Variants in STXBP4 observed in about 807,000 individuals in gnomAD.
STXBP4 encodes syntaxin-binding protein 4.
A neutral mutation model predicts 76.1 loss-of-function variants in STXBP4; 55 were observed. The observed-to-expected ratio is 0.72, with a 90% CI of 0.58 to 0.91. The LOEUF (loss-of-function observed/expected upper bound fraction) is 0.91, where lower values mean the gene tolerates loss of function less well. Ranked by LOEUF, STXBP4 falls within the 40% of genes least tolerant of loss-of-function variation. STXBP4 has a pLI of 0.00. For missense variants in STXBP4, 618 were observed against 636.9 expected (o/e 0.97, Z 0.32); for synonymous variants, 201 against 220.2 (o/e 0.91, Z 0.77).
Position 54,978,175 on chromosome 17 carries a change from A to T in STXBP4, c.-156-7439A>T, listed in dbSNP as rs529340033. ...TAATAAGCCTGCCATAAAATTTTTG[A>T]TTTGTAGAGCCAAGAAAGAACCTTT... On this transcript the variant is annotated intron_variant, in intron 1 of 17. Transcript: ENST00000376352. Among the ~76,000 whole-genome samples, 185 of 152,298 alleles carry T rather than the reference A, an allele frequency of 1.2e-3. 2 individuals are homozygous for T. The Middle Eastern group carries it at 0.027, about 23-fold the overall frequency.
the STXBP4 span, among the ~76,000 whole-genome samples, chr17:55,182,922 C>G: frequency 2.6e-5 from 4 of 151,412 alleles, no homozygotes; most frequent in Non-Finnish European, 5.9e-5. Flanking sequence ...TGAAGAGACC[C>G]ATGTTAAAGG....
chr17:55,185,305 CCTTCTCCTT>C, the STXBP4 span, among the ~76,000 whole-genome samples: 1 of 112,814 alleles, frequency 8.9e-6, no homozygotes. Context: ...TTCTCCTTCT[CCTTCTCCTT>C]CTCCTTCTCC....
At chr17:55,122,430 A>C (rs1202821115) in intron 16 of STXBP4, among the ~76,000 whole-genome samples, 2 of 152,258 alleles carry the variant, frequency 1.3e-5, no homozygotes, top group African/African-American at 4.8e-5. Flanking sequence ...GAAGCTCACA[A>C]GGCAGATGAA....
At chr17:55,073,255 C>A (rs879289474) in intron 13 of STXBP4, among the ~76,000 whole-genome samples, 179 bp downstream of exon 13, 4 of 152,146 alleles carry the variant, frequency 2.6e-5, no homozygotes, top group Non-Finnish European at 5.9e-5. Context: ...CTTCCTTTAT[C>A]CAGATGGCTT....
chr17:55,114,412 T>A (rs934706420), intron 16 of STXBP4, among the ~76,000 whole-genome samples: 1 of 152,034 alleles, frequency 6.6e-6, no homozygotes, highest in African/African-American at 2.4e-5. Flanking sequence ...AAGCATGTGA[T>A]TGGCTGTATC....
At chr17:55,204,896 A>AC in the STXBP4 span, among the ~76,000 whole-genome samples, 1 of 151,978 alleles carries the variant, frequency 6.6e-6, no homozygotes, top group Non-Finnish European at 1.5e-5. Context: ...ATACACATAT[A>AC]CATCTATATT....
intron 16 of STXBP4, among the ~76,000 whole-genome samples, chr17:55,137,914 C>G (rs536055929): frequency 2.1e-4 from 32 of 152,198 alleles, no homozygotes; most frequent in African/African-American, 7.7e-4. Flanking sequence ...TTAATGTTTG[C>G]TAATCTGATA....
rs568547293 is a variant in STXBP4, at chr17:55,015,019, G to T, written c.666+7422G>T. ...AATAGGGTTTCTAAGTTTTGCTCTG[G>T]GCGTAAGGCAGACTTTGAAGTTTTT... On this transcript the variant is annotated intron_variant, in intron 8 of 17. Transcript: ENST00000376352. Among the ~76,000 whole-genome samples, 33 of 152,188 alleles carry T rather than the reference G, an allele frequency of 2.2e-4. No individual in the cohort carries two copies. The East Asian group carries it at 2.7e-3, about 12-fold the overall frequency.
chr17:55,062,412 C>G (rs960825070), intron 12 of STXBP4, among the ~76,000 whole-genome samples: 1 of 152,176 alleles, frequency 6.6e-6, no homozygotes, highest in Non-Finnish European at 1.5e-5. Context: ...CTTCAAAGGA[C>G]ATGCACTCAT....
chr17:55,071,527 C>G (rs77262054), intron 12 of STXBP4, among the ~76,000 whole-genome samples: 1 of 152,104 alleles, frequency 6.6e-6, no homozygotes. Context: ...GGTCTCTGGT[C>G]AGTTATCTTT....
At chr17:55,012,884 T>C (rs2078139334) in intron 8 of STXBP4, among the ~76,000 whole-genome samples, 1 of 152,172 alleles carries the variant, frequency 6.6e-6, no homozygotes. Flanking sequence ...AGAAATTATT[T>C]GTTGACAGTT....
At chr17:54,986,057 T>G in intron 2 of STXBP4, 85 bp from the exon 3 acceptor site, 1 of 644,746 alleles carries the variant, frequency 1.6e-6, no homozygotes, top group Non-Finnish European at 2.8e-6. Context: ...ATGTTCCAAG[T>G]GTATATAATG....
intron 17 of STXBP4, among the ~76,000 whole-genome samples, chr17:55,147,305 A>G (rs746203896): frequency 2.0e-4 from 30 of 152,132 alleles, no homozygotes; most frequent in Admixed American, 1.6e-3. Context: ...GGAGCACGCA[A>G]CCTCAATCCT....
intron 16 of STXBP4, among the ~76,000 whole-genome samples, chr17:55,140,476 G>C (rs926920028): frequency 6.6e-6 from 1 of 152,026 alleles, no homozygotes; most frequent in African/African-American, 2.4e-5. Context: ...TCCAAAAATT[G>C]GATTAAAATC....
At chr17:55,017,703 C>T (rs879762345) in intron 8 of STXBP4, among the ~76,000 whole-genome samples, 10 of 152,188 alleles carry the variant, frequency 6.6e-5, no homozygotes, top group East Asian at 1.9e-4. Context: ...GAGTTCGGGA[C>T]GACAGCTTTC....
At chr17:55,049,246 C>T (rs932384811) in intron 12 of STXBP4, among the ~76,000 whole-genome samples, 2 of 151,946 alleles carry the variant, frequency 1.3e-5, no homozygotes, top group African/African-American at 4.8e-5. Context: ...TGAAGACCTT[C>T]AGATAGGATG....
In STXBP4 at chr17:55,048,424, G is replaced by A. The variant is rs145428194; in HGVS notation, c.1011+1270G>A. On this transcript the variant is annotated intron_variant, in intron 12 of 17. Coordinates refer to ENST00000376352, the MANE Select transcript of STXBP4 (RefSeq NM_178509.6). ...AATTCTATCTCCATCATTATAAAAC[G>A]ACTGAAAAAGTCAGATGATATCAAT... Among the ~76,000 whole-genome samples the A allele has an allele frequency of 8.0e-4, 121 of 151,750 alleles. 1 individual carries two copies. Among genetic ancestry groups the A allele is most frequent in the Non-Finnish European group, 6.3e-4 (43 of 67,744 alleles).
At chr17:55,065,324 C>T (rs560716059) in intron 12 of STXBP4, among the ~76,000 whole-genome samples, 2 of 152,158 alleles carry the variant, frequency 1.3e-5, no homozygotes, top group Admixed American at 6.5e-5. Flanking sequence ...TGTTATGTCT[C>T]GCTTTGAATT....
intron 1 of STXBP4, among the ~76,000 whole-genome samples, chr17:54,981,462 G>T (rs910654994): frequency 4.6e-5 from 7 of 152,080 alleles, no homozygotes; most frequent in African/African-American, 1.7e-4. Flanking sequence ...GATGAAAGTT[G>T]TATCTCAAAA....
Sources: gnomAD v4.1 joint callset for allele counts (sites outside exome capture counted in the v4.1 genomes callset) on GRCh38, gnomAD v4.1.1 for gene constraint, MANE v1.5 for transcripts, NCBI Gene and HGNC (gene_info 2026-07-23, HGNC 2026-07-21) for gene names.